Variants in LINGO2 observed in about 807,000 individuals in gnomAD.
LINGO2 encodes the protein leucine-rich repeat and immunoglobulin-like domain-containing nogo receptor-interacting protein 2.
Under a neutral mutation model 30.6 loss-of-function variants are expected in LINGO2, and 14 were observed. The ratio of observed to expected loss-of-function variants is 0.46; its 90% CI spans 0.30 to 0.72. The LOEUF (loss-of-function observed/expected upper bound fraction) is 0.72, where lower values mean the gene tolerates loss of function less well. Among genes scored for constraint, LINGO2 ranks in the 30% least tolerant of loss-of-function variants. The pLI, the probability that LINGO2 is intolerant of heterozygous loss-of-function variation, is 0.07. For missense variants in LINGO2, 729 were observed against 751.7 expected (o/e 0.97, Z 0.35); for synonymous variants, 317 against 288.5 (o/e 1.10, Z -1.00).
chr9:28,125,367 CG>C (rs1174155313), intron 4 of LINGO2, among the ~76,000 whole-genome samples: 1 of 152,144 alleles, frequency 6.6e-6, no homozygotes, highest in Non-Finnish European at 1.5e-5. Flanking sequence ...ATATTTAATA[CG>C]TATATTTGTT....
At chr9:28,904,184 T>A in the LINGO2 span, among the ~76,000 whole-genome samples, 1 of 151,036 alleles carries the variant, frequency 6.6e-6, no homozygotes, top group Non-Finnish European at 1.5e-5. Flanking sequence ...AAAAAAACTC[T>A]CAATAAATTA....
At chr9:29,167,095 T>C in the LINGO2 span, among the ~76,000 whole-genome samples, 1 of 152,128 alleles carries the variant, frequency 6.6e-6, no homozygotes, top group African/African-American at 2.4e-5. Flanking sequence ...ATTTATTTTG[T>C]ATAGTATAAA....
At chr9:28,990,206 C>T in the LINGO2 span, among the ~76,000 whole-genome samples, 29 of 152,180 alleles carry the variant, frequency 1.9e-4, no homozygotes, top group Non-Finnish European at 4.1e-4. Context: ...GATTATATCC[C>T]GCATCCGGCT....
chr9:28,714,211 A>C, the LINGO2 span, among the ~76,000 whole-genome samples: 1 of 140,050 alleles, frequency 7.1e-6, no homozygotes. Flanking sequence ...ACACACACAT[A>C]CGCACATATA....
intron 3 of LINGO2, among the ~76,000 whole-genome samples, chr9:28,299,092 G>A (rs1824038008): frequency 6.6e-6 from 1 of 152,096 alleles, no homozygotes; most frequent in Non-Finnish European, 1.5e-5. Context: ...ATTTGCACTT[G>A]TTGACAAGTT....
chr9:28,053,933 A>G (rs1824796164), intron 4 of LINGO2, among the ~76,000 whole-genome samples: 1 of 152,098 alleles, frequency 6.6e-6, no homozygotes, highest in East Asian at 1.9e-4. Flanking sequence ...CAACTGAGTA[A>G]CAGATATGGG....
At chr9:28,978,518 C>G in the LINGO2 span, among the ~76,000 whole-genome samples, 4 of 152,084 alleles carry the variant, frequency 2.6e-5, no homozygotes, top group African/African-American at 9.6e-5. Flanking sequence ...GGGAATAATG[C>G]TCTAGAGATT....
chr9:28,993,912 T>C, the LINGO2 span, among the ~76,000 whole-genome samples: 1 of 151,914 alleles, frequency 6.6e-6, no homozygotes, highest in African/African-American at 2.4e-5. Flanking sequence ...GCCAATATCA[T>C]ACTGAATGGG....
chr9:28,752,711 G>A, the LINGO2 span, among the ~76,000 whole-genome samples: 5 of 151,842 alleles, frequency 3.3e-5, no homozygotes, highest in South Asian at 2.1e-4. Flanking sequence ...ATTTTAGTCC[G>A]GCTCCCAACT....
the LINGO2 span, among the ~76,000 whole-genome samples, chr9:29,212,915 C>A: frequency 1.3e-5 from 2 of 152,226 alleles, no homozygotes; most frequent in African/African-American, 4.8e-5. Flanking sequence ...GCTTTGCTGC[C>A]TCTTACCTTG....
At chr9:28,326,907 G>T (rs1323238633) in intron 3 of LINGO2, among the ~76,000 whole-genome samples, 2 of 152,094 alleles carry the variant, frequency 1.3e-5, no homozygotes, top group African/African-American at 4.8e-5. Context: ...TAGGGGAATG[G>T]CTAAGGGCCT....
intron 4 of LINGO2, among the ~76,000 whole-genome samples, chr9:28,139,870 C>T (rs1320347845): frequency 2.6e-5 from 4 of 152,098 alleles, no homozygotes; most frequent in East Asian, 1.9e-4. Context: ...ATTGAACTCC[C>T]TTACTAATCC....
At chr9:28,022,471 T>C (rs1823177994) in intron 4 of LINGO2, among the ~76,000 whole-genome samples, 1 of 152,098 alleles carries the variant, frequency 6.6e-6, no homozygotes, top group Admixed American at 6.5e-5. Flanking sequence ...AGGATTTATT[T>C]TAACATCTGC....
At chr9:27,941,278 A>G in the LINGO2 span, 1 of 152,264 alleles carries the variant, frequency 6.6e-6, no homozygotes, top group African/African-American at 2.4e-5. Flanking sequence ...CTACTAAAAA[A>G]ATACAAAAAT....
chr9:28,089,341 A>G lies in LINGO2; in HGVS notation c.-86-76936T>C, dbSNP rs191808804. 2.2e-3 allele frequency among the ~76,000 whole-genome samples: 335 copies of G among 152,346 alleles called. 2 individuals are homozygous for G. Among genetic ancestry groups the G allele is most frequent in the African/African-American group, 7.7e-3 (320 of 41,582 alleles). On this transcript the variant is annotated intron_variant, in intron 4 of 5. Coordinates refer to ENST00000379992, the Ensembl canonical transcript of LINGO2. The stretch of plus-strand genomic sequence containing the variant: ...TAAAGTACATCTTAGCAAATGTAAA[A>G]GAATAGAAATTATAACAAACTGTCT...
chr9:28,141,408 G>A (rs1268324073), intron 4 of LINGO2, among the ~76,000 whole-genome samples: 2 of 152,178 alleles, frequency 1.3e-5, no homozygotes, highest in Admixed American at 6.5e-5. Context: ...AGCTAGGGAC[G>A]CTCAGTGTTC....
the LINGO2 span, among the ~76,000 whole-genome samples, chr9:28,825,308 A>T: frequency 3.9e-5 from 6 of 152,162 alleles, no homozygotes; most frequent in African/African-American, 1.4e-4. Context: ...GTCAGAACTA[A>T]TAGTAGAGAA....
intron 4 of LINGO2, among the ~76,000 whole-genome samples, chr9:28,248,438 G>GA: frequency 6.6e-6 from 1 of 152,244 alleles, no homozygotes; most frequent in Admixed American, 6.5e-5. Flanking sequence ...AGAGAAGAGA[G>GA]AAACAGTGGT....
At chr9:28,505,224 G>A (rs1820061298) in intron 1 of LINGO2, among the ~76,000 whole-genome samples, 1 of 151,856 alleles carries the variant, frequency 6.6e-6, no homozygotes, top group East Asian at 1.9e-4. Flanking sequence ...AAAGCATAAA[G>A]GGGAAAATAT....
Sources: gnomAD v4.1 joint callset for allele counts (sites outside exome capture counted in the v4.1 genomes callset) on GRCh38, gnomAD v4.1.1 for gene constraint, MANE v1.5 for transcripts, NCBI Gene and HGNC (gene_info 2026-07-23, HGNC 2026-07-21) for gene names.